Variants in SORCS1 observed in about 807,000 individuals in gnomAD.
The protein encoded by SORCS1 is sortilin related VPS10 domain containing receptor 1, also known as VPS10 domain-containing receptor SorCS1.
Under a neutral mutation model 146.1 loss-of-function variants are expected in SORCS1, and 60 were observed. The ratio of observed to expected loss-of-function variants is 0.41; its 90% CI spans 0.33 to 0.51. The LOEUF is 0.51. Ranked by LOEUF, SORCS1 falls within the 20% of genes least tolerant of loss-of-function variation. SORCS1 has a pLI of 0.21. For missense variants in SORCS1, 1,352 were observed against 1,487.6 expected (o/e 0.91, Z 1.50); for synonymous variants, 637 against 584.0 (o/e 1.09, Z -1.31).
intron 2 of SORCS1, among the ~76,000 whole-genome samples, chr10:106,906,511 A>G (rs1017030247): frequency 1.3e-5 from 2 of 152,238 alleles, no homozygotes; most frequent in Non-Finnish European, 2.9e-5. Flanking sequence ...ACACGGCAGC[A>G]GCAAGAGAAA....
At chr10:106,909,433 T>G (rs1589682781) in intron 2 of SORCS1, among the ~76,000 whole-genome samples, 1 of 151,686 alleles carries the variant, frequency 6.6e-6, no homozygotes, top group Non-Finnish European at 1.5e-5. Context: ...AATTGAGAGG[T>G]AGAAATGCAG....
At chr10:106,984,004 C>T (rs1261539932) in intron 1 of SORCS1, among the ~76,000 whole-genome samples, 2 of 152,060 alleles carry the variant, frequency 1.3e-5, no homozygotes, top group African/African-American at 4.8e-5. Context: ...AAAGAAAAGC[C>T]AGTTATTAAA....
At chr10:107,172,828 A>G in the SORCS1 span, among the ~76,000 whole-genome samples, 2 of 152,216 alleles carry the variant, frequency 1.3e-5, no homozygotes, top group Admixed American at 6.5e-5. Flanking sequence ...AAGGCAAAAC[A>G]TCATCAACTG....
intron 9 of SORCS1, among the ~76,000 whole-genome samples, chr10:106,690,311 T>C (rs745757099): frequency 6.6e-6 from 1 of 152,250 alleles, no homozygotes; most frequent in East Asian, 1.9e-4. Flanking sequence ...ATACTGGTCC[T>C]TCCTCTATAC....
intron 2 of SORCS1, among the ~76,000 whole-genome samples, chr10:106,839,666 T>C (rs1012947242): frequency 6.6e-6 from 1 of 152,188 alleles, no homozygotes; most frequent in African/African-American, 2.4e-5. Flanking sequence ...CAAAAGACGA[T>C]TCCATTAGAA....
At chr10:106,780,750 T>C (rs1283186769) in intron 3 of SORCS1, among the ~76,000 whole-genome samples, 1 of 152,024 alleles carries the variant, frequency 6.6e-6, no homozygotes, top group Non-Finnish European at 1.5e-5. Flanking sequence ...CACCCATGAG[T>C]GATTAGAACC....
chr10:106,717,426 C>A (rs1855456763), intron 6 of SORCS1, among the ~76,000 whole-genome samples: 1 of 152,208 alleles, frequency 6.6e-6, no homozygotes, highest in African/African-American at 2.4e-5. Flanking sequence ...AGAAAGTCTA[C>A]ACAGAGGACA....
At chr10:107,134,126 G>C (rs1274502939) in intron 1 of SORCS1, among the ~76,000 whole-genome samples, 1 of 152,180 alleles carries the variant, frequency 6.6e-6, no homozygotes, top group Non-Finnish European at 1.5e-5. Flanking sequence ...CCTGGGAAAA[G>C]TAACTGGCAT....
intron 6 of SORCS1, among the ~76,000 whole-genome samples, chr10:106,721,745 T>C (rs1480458325): frequency 6.6e-6 from 1 of 152,258 alleles, no homozygotes; most frequent in Admixed American, 6.5e-5. Context: ...TCATAAATTC[T>C]CTTTCCGTAG....
intron 3 of SORCS1, among the ~76,000 whole-genome samples, chr10:106,827,005 T>G (rs943696866): frequency 4.6e-5 from 7 of 152,174 alleles, no homozygotes; most frequent in African/African-American, 1.4e-4. Context: ...ATTCATGGTA[T>G]ATTGACTTGA....
chr10:106,624,798 C>A (rs1004418158), intron 19 of SORCS1, among the ~76,000 whole-genome samples: 1 of 152,228 alleles, frequency 6.6e-6, no homozygotes, highest in African/African-American at 2.4e-5. Flanking sequence ...ATTTATCTTT[C>A]AGATTTCCAC....
chr10:107,097,153 A>C lies in SORCS1; in HGVS notation c.558+66816T>G, dbSNP rs1964595449. Among the ~76,000 whole-genome samples the C allele has an allele frequency of 2.0e-5, 3 of 152,234 alleles. 1 individual carries two copies. In the South Asian group the frequency reaches 6.2e-4, roughly 31 times the overall value. ...TGGCCAGTGTTAGGACATAGTTTTC[A>C]ATAAAGGAACTGAATAAAAACCTCT... is the stretch of plus-strand genomic sequence containing the variant. On this transcript the variant is annotated intron_variant, in intron 1 of 25. Transcript: ENST00000263054.
At chr10:107,057,760 G>A (rs1410849030) in intron 1 of SORCS1, among the ~76,000 whole-genome samples, 1 of 152,190 alleles carries the variant, frequency 6.6e-6, no homozygotes, top group Non-Finnish European at 1.5e-5. Context: ...ACTGTCAAAG[G>A]ACAGAAATAA....
At chr10:106,616,587 T>G (rs1334204603) in intron 21 of SORCS1, among the ~76,000 whole-genome samples, 1 of 152,214 alleles carries the variant, frequency 6.6e-6, no homozygotes, top group African/African-American at 2.4e-5. Context: ...AGCCACTGTT[T>G]GGCCACCTCG....
At chr10:106,933,304 TCA>T (rs1215325582) in intron 2 of SORCS1, among the ~76,000 whole-genome samples, 1 of 152,206 alleles carries the variant, frequency 6.6e-6, no homozygotes, top group Non-Finnish European at 1.5e-5. Flanking sequence ...TGTCCTGGGC[TCA>T]GTCCTAGAGA....
At chr10:107,062,474 T>A (rs1961316320) in intron 1 of SORCS1, among the ~76,000 whole-genome samples, 2 of 152,060 alleles carry the variant, frequency 1.3e-5, no homozygotes, top group African/African-American at 4.8e-5. Flanking sequence ...GGCACCTTTT[T>A]AATTAAAATA....
At chr10:106,629,120 T>C in intron 19 of SORCS1, 82 bp downstream of exon 19, 2 of 1,271,300 alleles carry the variant, frequency 1.6e-6, no homozygotes, top group South Asian at 2.9e-5. Flanking sequence ...GTGTACTTCT[T>C]CTAGATATAA....
chr10:107,142,669 C>T (rs1967945246), intron 1 of SORCS1, among the ~76,000 whole-genome samples: 1 of 152,090 alleles, frequency 6.6e-6, no homozygotes, highest in South Asian at 2.1e-4. Flanking sequence ...ATCATTAGTA[C>T]TTCAGTCTAA....
rs1950241205 is a variant in SORCS1, at chr10:106,866,936, CCAGAGTGT to C, written c.627-37271_627-37264del. ...GCAAAGCCTCTCGTAACTCAAGTGGCCAGAGTGTCATATGTCCTACAAGTCACCACACC... is the reference window on the plus strand; with the variant it reads ...GCAAAGCCTCTCGTAACTCAAGTGGCCATATGTCCTACAAGTCACCACACC... On this transcript the variant is annotated intron_variant, in intron 2 of 25. Coordinates refer to ENST00000263054, the MANE Select transcript of SORCS1 (RefSeq NM_052918.5). 4.6e-5 allele frequency among the ~76,000 whole-genome samples: 7 copies of C among 152,272 alleles called. No individual in the cohort carries two copies. In the South Asian group the frequency reaches 1.5e-3, roughly 32 times the overall value.
Sources: gnomAD v4.1 joint callset for allele counts (sites outside exome capture counted in the v4.1 genomes callset) on GRCh38, gnomAD v4.1.1 for gene constraint, MANE v1.5 for transcripts, NCBI Gene and HGNC (gene_info 2026-07-23, HGNC 2026-07-21) for gene names.